The following LRRTM4 variants were observed in gnomAD, a reference collection of about 807,000 sequenced individuals.
LRRTM4 encodes leucine rich repeat transmembrane neuronal 4.
A neutral mutation model predicts 47.6 loss-of-function variants in LRRTM4; 25 were observed. That is an observed-to-expected ratio of 0.53 (90% CI 0.38 to 0.73). The LOEUF is 0.73. LRRTM4 is among the 30% of genes least tolerant of loss of function. The pLI, the probability that LRRTM4 is intolerant of heterozygous loss-of-function variation, is 0.00. For synonymous variants in LRRTM4, 311 were observed against 269.5 expected, an observed-to-expected ratio of 1.15 and a Z score of -1.51; for missense variants, 638 against 713.4, an observed-to-expected ratio of 0.89 and a Z score of 1.20.
chr2:76,749,052 A>G, intron 3 of LRRTM4, 136 bp from the exon 4 acceptor site: 1 of 662,288 alleles, frequency 1.5e-6, no homozygotes, highest in Non-Finnish European at 2.7e-6. Context: ...ACAAATAAAC[A>G]TTAACAAAAT....
chr2:76,855,417 G>A (rs1230379065), intron 3 of LRRTM4, among the ~76,000 whole-genome samples: 2 of 152,226 alleles, frequency 1.3e-5, no homozygotes, highest in African/African-American at 4.8e-5. Context: ...AAAGCATACA[G>A]TCTACATTTT....
chr2:77,247,214 A>G (rs952050818), intron 3 of LRRTM4, among the ~76,000 whole-genome samples: 2 of 152,098 alleles, frequency 1.3e-5, no homozygotes, highest in African/African-American at 4.8e-5. Context: ...CAGTCATCTT[A>G]ATAAGATATG....
At position 77,311,147 on chromosome 2, in the gene LRRTM4, ATG is replaced by A. The variant is rs200612463; in HGVS notation, c.1551+207169_1551+207170del. On this transcript the variant is annotated intron_variant, in intron 3 of 3. Coordinates refer to ENST00000409884, the MANE Select transcript of LRRTM4 (RefSeq NM_001134745.3). Reference sequence around the variant, plus strand: ...GAAAGATTTAAATCTCACATAATTCATGTGTTTTTAATTTCTTCAAGAACTTA... The same window carrying A: ...GAAAGATTTAAATCTCACATAATTCATGTTTTTAATTTCTTCAAGAACTTA... 2.0e-5 allele frequency among the ~76,000 whole-genome samples: 3 copies of A among 152,102 alleles called. No individual in the cohort carries two copies. In the East Asian group the frequency reaches 5.8e-4, roughly 29 times the overall value.
chr2:77,049,163 C>CAG (rs1679342617), intron 3 of LRRTM4, among the ~76,000 whole-genome samples: 1 of 114,576 alleles, frequency 8.7e-6, no homozygotes, highest in East Asian at 2.7e-4. Flanking sequence ...TATATACACA[C>CAG]ACACACACAC....
In LRRTM4 at chr2:76,801,518, G is replaced by A. The variant is rs1358612751; in HGVS notation, c.1552-52602C>T. Among the ~76,000 whole-genome samples, 10 of 152,220 alleles carry A rather than the reference G, an allele frequency of 6.6e-5. No homozygotes were observed. In the South Asian group the frequency reaches 2.1e-3, roughly 32 times the overall value. ...ATCACACTCTGGGGACTGTTGTGGTGTGGGGGGAGGGGGAAGGGATAGCAT... is the reference window on the plus strand; with the variant it reads ...ATCACACTCTGGGGACTGTTGTGGTATGGGGGGAGGGGGAAGGGATAGCAT... On this transcript the variant is annotated intron_variant, in intron 3 of 3. Transcript: ENST00000409884.
chr2:77,490,491 T>C (rs1012751808), intron 3 of LRRTM4, among the ~76,000 whole-genome samples: 4 of 152,078 alleles, frequency 2.6e-5, no homozygotes, highest in African/African-American at 9.7e-5. Flanking sequence ...CCTCCTACAG[T>C]GAGAAGAAGA....
chr2:77,219,622 A>G (rs573965867), intron 3 of LRRTM4, among the ~76,000 whole-genome samples: 3 of 152,334 alleles, frequency 2.0e-5, no homozygotes, highest in Non-Finnish European at 2.9e-5. Flanking sequence ...CAGTGTAAAG[A>G]CTTCCCTGAC....
chr2:76,957,418 G>C (rs1390641818), intron 3 of LRRTM4, among the ~76,000 whole-genome samples: 1 of 151,722 alleles, frequency 6.6e-6, no homozygotes. Flanking sequence ...TTTTTCCACA[G>C]TGATAACAAG....
At chr2:76,843,897 C>A (rs541634028) in intron 3 of LRRTM4, among the ~76,000 whole-genome samples, 4 of 148,946 alleles carry the variant, frequency 2.7e-5, no homozygotes, top group Admixed American at 6.8e-5. Flanking sequence ...ATGATAATTT[C>A]TTTCTTTTTT....
At chr2:77,255,293 G>A (rs565903169) in intron 3 of LRRTM4, among the ~76,000 whole-genome samples, 73 of 152,052 alleles carry the variant, frequency 4.8e-4, no homozygotes, top group African/African-American at 1.6e-3. Context: ...TAGATTGAAA[G>A]GAGAAATAGG....
intron 3 of LRRTM4, among the ~76,000 whole-genome samples, chr2:77,200,369 C>G (rs1573068904): frequency 6.6e-6 from 1 of 151,928 alleles, no homozygotes; most frequent in South Asian, 2.1e-4. Flanking sequence ...CATCAGTTGA[C>G]AAAAACATTT....
chr2:77,273,268 T>C (rs1042650519), intron 3 of LRRTM4, among the ~76,000 whole-genome samples: 1 of 152,140 alleles, frequency 6.6e-6, no homozygotes, highest in Admixed American at 6.5e-5. Context: ...ATGCATAAAT[T>C]ACATAGAAGA....
At chr2:76,952,463 G>A (rs550136359) in intron 3 of LRRTM4, among the ~76,000 whole-genome samples, 1 of 152,068 alleles carries the variant, frequency 6.6e-6, no homozygotes, top group South Asian at 2.1e-4. Context: ...AATCATCAGA[G>A]AAAGGCAAGT....
At chr2:77,148,801 A>G (rs1300089592) in intron 3 of LRRTM4, among the ~76,000 whole-genome samples, 3 of 152,164 alleles carry the variant, frequency 2.0e-5, no homozygotes, top group Non-Finnish European at 2.9e-5. Flanking sequence ...TTATAATTCA[A>G]TGAGGAAACA....
chr2:77,000,300 G>A (rs184755386), intron 3 of LRRTM4, among the ~76,000 whole-genome samples: 11 of 138,370 alleles, frequency 7.9e-5, no homozygotes, highest in Admixed American at 7.6e-4. Flanking sequence ...TCAGCCTTAA[G>A]GGATTTCTAG....
At chr2:76,791,230 G>T (rs746196009) in intron 3 of LRRTM4, among the ~76,000 whole-genome samples, 1 of 152,058 alleles carries the variant, frequency 6.6e-6, no homozygotes, top group South Asian at 2.1e-4. Flanking sequence ...AAACCCTAAC[G>T]TGACTCAAAG....
At chr2:76,824,014 C>T (rs62172145) in intron 3 of LRRTM4, among the ~76,000 whole-genome samples, 4 of 151,286 alleles carry the variant, frequency 2.6e-5, no homozygotes, top group Non-Finnish European at 5.9e-5. Flanking sequence ...TTTGTGCTCA[C>T]ATGTGTCCTG....
rs192318459 is a variant in LRRTM4 at position 77,519,924 on chromosome 2, G to C, written c.5-60C>G. On this transcript the variant is annotated intron_variant, in intron 2 of 3. Coordinates refer to ENST00000409884, the MANE Select transcript of LRRTM4 (RefSeq NM_001134745.3). This position sits in a 1 kb window ranked among gnomAD's most constrained non-coding sequence, Gnocchi z 4.6. Reference sequence around the variant, plus strand: ...GAAGCTATTAAAATAAATCACCGTCGGTTTACCAACAACAGGGGCATTTCC... The same window carrying C: ...GAAGCTATTAAAATAAATCACCGTCCGTTTACCAACAACAGGGGCATTTCC... The C allele has an allele frequency of 6.8e-7, 1 of 1,476,670 alleles. No homozygotes were observed. The highest frequency in any genetic ancestry group is 1.4e-5 in the African/African-American group (1 of 70,576). The allele number at this position is 1,476,670 out of a possible 1,614,324, so 91.5% of individuals were successfully genotyped here.
intron 3 of LRRTM4, among the ~76,000 whole-genome samples, chr2:76,973,212 A>G (rs1302743521): frequency 1.3e-5 from 2 of 152,036 alleles, no homozygotes; most frequent in Non-Finnish European, 2.9e-5. Flanking sequence ...CATGATTAGA[A>G]TATGACTTCT....
Sources: gnomAD v4.1 joint callset for allele counts (sites outside exome capture counted in the v4.1 genomes callset) on GRCh38, gnomAD v4.1.1 for gene constraint, Gnocchi (gnomAD v3.1) non-coding constraint, MANE v1.5 for transcripts, NCBI Gene and HGNC (gene_info 2026-07-23, HGNC 2026-07-21) for gene names.